The following TRIM5 variants were observed in gnomAD, a reference collection of about 807,000 sequenced individuals.
The protein encoded by TRIM5 is tripartite motif-containing protein 5.
In TRIM5, 31 loss-of-function variants were observed where a neutral mutation model predicts 35.6. The ratio of observed to expected loss-of-function variants is 0.87; its 90% CI spans 0.65 to 1.18. TRIM5 has a LOEUF of 1.18. Ranked by LOEUF, TRIM5 falls within the 50% of genes most tolerant of loss-of-function variation. TRIM5 has a pLI of 0.00. For synonymous variants in TRIM5, 243 were observed against 215.6 expected (o/e 1.13, Z -1.11); for missense variants, 609 against 591.6 (o/e 1.03, Z -0.31).
chr11:5,639,679 CAAAAAAA>C, the TRIM5 span, among the ~76,000 whole-genome samples: 220 of 51,148 alleles, frequency 4.3e-3, 2 homozygotes, highest in African/African-American at 0.01. Context: ...GACTCTATTT[CAAAAAAA>C]AAAAAAAAAA....
chr11:5,662,243 G>C (rs191267396), downstream of TRIM5, among the ~76,000 whole-genome samples: 51 of 152,302 alleles, frequency 3.3e-4, no homozygotes, highest in African/African-American at 1.2e-3. Flanking sequence ...GAAGAGCAGA[G>C]ACTATTTGAT....
At chr11:5,628,952 C>T in the TRIM5 span, among the ~76,000 whole-genome samples, 1 of 151,974 alleles carries the variant, frequency 6.6e-6, no homozygotes, top group Non-Finnish European at 1.5e-5. Context: ...CTTTCTTTCC[C>T]GTGTGTCTGT....
chr11:5,664,090 A>T lies in TRIM5; in HGVS notation c.*719T>A. On this transcript the variant is annotated 3_prime_UTR_variant, in exon 8 of 8. Transcript: ENST00000380034. The stretch of plus-strand genomic sequence containing the variant: ...GTGGTGGGCACCTGTAATCCCAGCT[A>T]CTTGGGAGGCTGAGGCAGGAGAATT... 1 of 263,890 alleles carries T rather than the reference A, an allele frequency of 3.8e-6. No homozygotes were observed. Among genetic ancestry groups the T allele is most frequent in the Non-Finnish European group, 5.9e-6 (1 of 170,512 alleles). 16.3% of individuals were successfully genotyped at this position (263,890 alleles called of 1,614,324 possible).
chr11:5,643,695 C>T, the TRIM5 span: 1 of 1,582,348 alleles, frequency 6.3e-7, no homozygotes, highest in East Asian at 2.2e-5. Context: ...GACTCTATGC[C>T]CACCAAGCTC....
intron 1 of TRIM5, among the ~76,000 whole-genome samples, chr11:5,681,958 C>A (rs1381371704): frequency 2.6e-5 from 4 of 152,130 alleles, no homozygotes; most frequent in African/African-American, 7.2e-5. Flanking sequence ...ACCACCACAC[C>A]CGGCTAATTT....
At chr11:5,669,535 A>C (rs1352773174) in intron 4 of TRIM5, among the ~76,000 whole-genome samples, 2 of 141,860 alleles carry the variant, frequency 1.4e-5, no homozygotes, top group Admixed American at 7.0e-5. Context: ...CAAAGCCAAT[A>C]GCTGGATCTA....
the TRIM5 span, among the ~76,000 whole-genome samples, chr11:5,640,040 A>G: frequency 6.6e-6 from 1 of 152,232 alleles, no homozygotes; most frequent in Non-Finnish European, 1.5e-5. Flanking sequence ...TGTTGACTAT[A>G]GTCACACTGT....
At chr11:5,590,296 C>T in the TRIM5 span, 1 of 155,000 alleles carries the variant, frequency 6.5e-6, no homozygotes, top group African/African-American at 2.4e-5. Context: ...GCAACTCCAC[C>T]TGCAGCCCCT....
intron 4 of TRIM5, among the ~76,000 whole-genome samples, chr11:5,668,540 C>G (rs1851321099): frequency 6.6e-6 from 1 of 152,004 alleles, no homozygotes; most frequent in Non-Finnish European, 1.5e-5. Flanking sequence ...ACCTCCGCCT[C>G]CCGGGTTCAA....
the TRIM5 span, among the ~76,000 whole-genome samples, chr11:5,598,109 C>T: frequency 6.6e-6 from 1 of 152,160 alleles, no homozygotes; most frequent in African/African-American, 2.4e-5. Flanking sequence ...GGCTCTGGGA[C>T]TGCAGGCTCT....
chr11:5,678,995 G>T, intron 3 of TRIM5, 79 bp downstream of exon 3: 2 of 1,150,540 alleles, frequency 1.7e-6, no homozygotes, highest in Non-Finnish European at 2.6e-6. Flanking sequence ...AAATGTCAGG[G>T]AATAAAGAGG....
At chr11:5,632,323 A>T in the TRIM5 span, 1 of 1,614,138 alleles carries the variant, frequency 6.2e-7, no homozygotes, top group Non-Finnish European at 8.5e-7. Context: ...AAGCCAGGGA[A>T]GCAGTGCAAT....
chr11:5,655,261 G>A, the TRIM5 span, among the ~76,000 whole-genome samples: 1 of 151,838 alleles, frequency 6.6e-6, no homozygotes, highest in Admixed American at 6.6e-5. Context: ...GTAGAGCTGG[G>A]TGGGAACAAT....
At chr11:5,594,373 T>A in the TRIM5 span, among the ~76,000 whole-genome samples, 39 of 152,170 alleles carry the variant, frequency 2.6e-4, no homozygotes, top group Admixed American at 2.6e-3. Flanking sequence ...AGTAGCAGGA[T>A]CATGGCTCAC....
At chr11:5,680,981 C>T (rs7128795) in intron 1 of TRIM5, among the ~76,000 whole-genome samples, 78,100 of 151,496 alleles carry the variant, frequency 0.52, 20,230 homozygotes, top group Non-Finnish European at 0.53. Context: ...CAATTAATAC[C>T]CAGAGCAATT....
the TRIM5 span, among the ~76,000 whole-genome samples, chr11:5,644,937 G>A: frequency 6.6e-6 from 1 of 152,088 alleles, no homozygotes; most frequent in African/African-American, 2.4e-5. Context: ...TGGGAGATCT[G>A]GTTATTTAAG....
At chr11:5,610,290 G>A in the TRIM5 span, 28 of 1,612,672 alleles carry the variant, frequency 1.7e-5, 1 homozygote, top group Middle Eastern at 6.6e-4. Flanking sequence ...AATTACTGTC[G>A]TGGGAAGAAA....
chr11:5,611,053 C>A, the TRIM5 span: 1 of 1,614,166 alleles, frequency 6.2e-7, no homozygotes, highest in South Asian at 1.1e-5. Context: ...AGTGCTTACT[C>A]CAGGTATCAG....
At chr11:5,642,706 C>A in the TRIM5 span, 1 of 1,484,376 alleles carries the variant, frequency 6.7e-7, no homozygotes, top group Non-Finnish European at 9.1e-7. Flanking sequence ...AATTCACTAG[C>A]TCACAGCTTC....
Sources: gnomAD v4.1 joint callset for allele counts (sites outside exome capture counted in the v4.1 genomes callset) on GRCh38, gnomAD v4.1.1 for gene constraint, MANE v1.5 for transcripts, NCBI Gene and HGNC (gene_info 2026-07-23, HGNC 2026-07-21) for gene names.